Variants in IAPP observed in about 807,000 individuals in gnomAD.
IAPP encodes the protein Islet amyloid polypeptide (diabetes-associated peptide; amylin).
A neutral mutation model predicts 2.9 loss-of-function variants in IAPP; 4 were observed. The ratio of observed to expected loss-of-function variants is 1.39; its 90% confidence interval spans 0.69 to 3.19. The LOEUF (loss-of-function observed/expected upper bound fraction) is 3.19. Ranked by LOEUF, IAPP falls within the 30% of genes most tolerant of loss-of-function variation. The probability of loss-of-function intolerance (pLI) is 0.01; values close to 1 mark genes in which losing one functional copy is unlikely to be tolerated. For missense variants in IAPP, 114 were observed against 105.3 expected (o/e 1.08, Z -0.36); for synonymous variants, 40 against 42.1 (o/e 0.95, Z 0.19).
upstream of IAPP, among the ~76,000 whole-genome samples, chr12:21,371,068 A>G (rs1184559739): frequency 2.0e-5 from 3 of 152,216 alleles, no homozygotes; most frequent in Non-Finnish European, 4.4e-5. Context: ...TTTTGCAGTC[A>G]TATTTATACC....
chr12:21,363,300 G>C (rs1341522528), intron 1 of IAPP, among the ~76,000 whole-genome samples: 2 of 152,080 alleles, frequency 1.3e-5, no homozygotes, highest in Non-Finnish European at 2.9e-5. Flanking sequence ...TGACTACTGG[G>C]TACATAACGA....
intron 1 of IAPP, among the ~76,000 whole-genome samples, chr12:21,361,422 C>T (rs1938868437): frequency 6.6e-6 from 1 of 152,160 alleles, no homozygotes; most frequent in African/African-American, 2.4e-5. Flanking sequence ...GATAAAACCA[C>T]AAAGATGGGG....
At chr12:21,364,062 C>T (rs569183898) in intron 1 of IAPP, among the ~76,000 whole-genome samples, 1 of 152,264 alleles carries the variant, frequency 6.6e-6, no homozygotes, top group South Asian at 2.1e-4. Flanking sequence ...CCAGCATCAT[C>T]CTGATACCAA....
chr12:21,355,250 A>C (rs925280959), intron 1 of IAPP, among the ~76,000 whole-genome samples: 9 of 152,326 alleles, frequency 5.9e-5, no homozygotes, highest in Non-Finnish European at 1.3e-4. Flanking sequence ...TATATAGCTC[A>C]GAAGTCTTTA....
At chr12:21,371,932 G>A (rs1472071793), upstream of IAPP, among the ~76,000 whole-genome samples, 2 of 151,470 alleles carry the variant, frequency 1.3e-5, no homozygotes, top group East Asian at 1.9e-4. Flanking sequence ...AACCCGGGAG[G>A]CACAGGTTAC....
At chr12:21,375,382 AG>A (rs1940117353) in intron 2 of IAPP, among the ~76,000 whole-genome samples, 1 of 152,218 alleles carries the variant, frequency 6.6e-6, no homozygotes, top group Non-Finnish European at 1.5e-5. Context: ...CATATCTCAC[AG>A]AAAGCTAGGA....
intron 2 of IAPP, 119 bp downstream of exon 2, chr12:21,373,550 T>C: frequency 2.7e-6 from 2 of 738,626 alleles, no homozygotes; most frequent in Non-Finnish European, 2.4e-6. Context: ...TTAAGAACAG[T>C]ACCTTCAGCT....
chr12:21,372,052 A>C (rs1939838061), upstream of IAPP, among the ~76,000 whole-genome samples: 1 of 152,136 alleles, frequency 6.6e-6, no homozygotes, highest in Non-Finnish European at 1.5e-5. Flanking sequence ...AAGAAAAAGA[A>C]AAAGCAATTT....
At chr12:21,355,464 C>T (rs1938292266) in intron 1 of IAPP, among the ~76,000 whole-genome samples, 1 of 152,156 alleles carries the variant, frequency 6.6e-6, no homozygotes, top group Non-Finnish European at 1.5e-5. Context: ...CAATAAGTGA[C>T]AGGAAGTTGT....
At chr12:21,375,906 G>A (rs575021652) in intron 2 of IAPP, among the ~76,000 whole-genome samples, 5 of 105,034 alleles carry the variant, frequency 4.8e-5, no homozygotes, top group African/African-American at 1.8e-4. Flanking sequence ...TAGTCAATGA[G>A]AAAAAAATGC....
chr12:21,363,807 T>A (rs1419261231), intron 1 of IAPP, among the ~76,000 whole-genome samples: 1 of 152,108 alleles, frequency 6.6e-6, no homozygotes, highest in Non-Finnish European at 1.5e-5. Flanking sequence ...AAGAAATGGA[T>A]AAATTCCTGG....
rs1940433586 is a variant in IAPP, at chr12:21,379,288, A to G, written c.*862A>G. On this transcript the variant is annotated 3_prime_UTR_variant, in exon 3 of 3. Coordinates refer to ENST00000240652, the MANE Select transcript of IAPP (RefSeq NM_000415.3). ...GCTTGCTGGTACTAAGAGGCTATTT[A>G]AAAGTATAAAACTGCTTTGTATCCA... 6.6e-6 allele frequency: 1 copy of G among 152,230 alleles called. No homozygotes were observed. The allele number at this position is 152,230 out of a possible 1,614,324, so 9.4% of individuals were successfully genotyped here.
intron 1 of IAPP, among the ~76,000 whole-genome samples, chr12:21,359,553 A>G (rs1565514748): frequency 6.6e-6 from 1 of 152,144 alleles, no homozygotes. Context: ...GTAACACCCA[A>G]TCAACATTGT....
At chr12:21,360,331 A>G (rs1049573138) in intron 1 of IAPP, among the ~76,000 whole-genome samples, 1 of 152,238 alleles carries the variant, frequency 6.6e-6, no homozygotes, top group Non-Finnish European at 1.5e-5. Flanking sequence ...TCCCTAAATG[A>G]AGGTGTAAAA....
rs534919435 is a variant in IAPP at position 21,360,489 on chromosome 12, G to A, written c.-16+5476G>A. Reference sequence around the variant, plus strand: ...GTCTGCAGCTCCCAGTGTGAAGGACGCAGAAGACTGGTGATTTCTGCATTT... The same window carrying A: ...GTCTGCAGCTCCCAGTGTGAAGGACACAGAAGACTGGTGATTTCTGCATTT... On this transcript the variant is annotated intron_variant, in intron 1 of 2. Transcript: ENST00000539393. Among the ~76,000 whole-genome samples, 158 of 152,322 alleles carry A rather than the reference G, an allele frequency of 1.0e-3. 3 individuals carry two copies. In the South Asian group the frequency reaches 0.019, roughly 18 times the overall value.
At chr12:21,373,618 T>C (rs1478214501) in intron 2 of IAPP, 187 bp downstream of exon 2, 2 of 700,300 alleles carry the variant, frequency 2.9e-6, no homozygotes, top group Non-Finnish European at 5.2e-6. Context: ...GGCAAATAAA[T>C]ATCTTTGATG....
intron 2 of IAPP, chr12:21,373,677 T>G: frequency 1.4e-6 from 1 of 701,570 alleles, no homozygotes; most frequent in Non-Finnish European, 2.6e-6. Flanking sequence ...TCAAGAAATA[T>G]ACTCTTGGAA....
intron 1 of IAPP, among the ~76,000 whole-genome samples, chr12:21,366,367 G>C (rs188298013): frequency 5.6e-4 from 85 of 150,468 alleles, no homozygotes; most frequent in Non-Finnish European, 1.1e-3. Flanking sequence ...CAGGGACACA[G>C]GGTGGGGAAC....
intron 1 of IAPP, among the ~76,000 whole-genome samples, chr12:21,362,987 A>G (rs1235926598): frequency 1.3e-5 from 2 of 152,176 alleles, no homozygotes; most frequent in African/African-American, 4.8e-5. Context: ...ACAGATCAAC[A>G]AGACAGAAAG....
Sources: allele counts gnomAD v4.1 joint callset (sites outside exome capture counted in the v4.1 genomes callset), GRCh38; gene constraint gnomAD v4.1.1; transcripts MANE v1.5; gene names NCBI Gene and HGNC (gene_info 2026-07-23, HGNC 2026-07-21).